The following MKI67 variants were observed in gnomAD, a reference collection of about 807,000 sequenced individuals.
The protein encoded by MKI67 is marker of proliferation Ki-67.
In MKI67, 152 loss-of-function variants were observed where a neutral mutation model predicts 233.5. That is an observed-to-expected ratio of 0.65 (90% CI 0.57 to 0.74). The LOEUF is 0.74. Ranked by LOEUF, MKI67 falls within the 30% of genes least tolerant of loss-of-function variation. The pLI is 0.00. For synonymous variants in MKI67, 1,465 were observed against 1,418.5 expected (o/e 1.03, Z -0.74); for missense variants, 3,940 against 3,885.2 (o/e 1.01, Z -0.37).
In MKI67 at chr10:128,115,733, T is replaced by C. The variant is rs1452492707; in HGVS notation, c.675A>G (p.Gln225=). ...YGELKSVPTT[Q]CLDNSKKNES... The stretch of plus-strand genomic sequence containing the variant: ...CATTTTTTTTGCTATTGTCAAGACA[T>C]TGTGTAGTGGGAACAGACTTCAATT... The change falls in exon 7 of 15, where the codon CAA becomes CAG. Residue 225 remains glutamine (Q), a synonymous_variant. Coordinates refer to ENST00000368654, the MANE Select transcript of MKI67 (RefSeq NM_002417.5). 4 of 1,613,788 alleles carry C rather than the reference T, an allele frequency of 2.5e-6. No individual in the cohort carries two copies. The South Asian group carries it at 4.4e-5, about 18-fold the overall frequency.
intron 12 of MKI67, 44 bp downstream of exon 12, chr10:128,110,334 T>C: frequency 6.8e-7 from 1 of 1,468,646 alleles, no homozygotes; most frequent in Non-Finnish European, 9.2e-7. Flanking sequence ...TACTGTATGT[T>C]CCTATCCCAA....
intron 2 of MKI67, among the ~76,000 whole-genome samples, chr10:128,124,683 C>T (rs1400157394): frequency 6.6e-6 from 1 of 152,116 alleles, no homozygotes; most frequent in Non-Finnish European, 1.5e-5. Flanking sequence ...GGGAGACAAA[C>T]CCACAACTCA....
chr10:128,106,265 A>G lies in MKI67; in HGVS notation c.5575T>C (p.Cys1859Arg), dbSNP rs771728462. Residue 1859 changes from cysteine to arginine, a missense_variant, in exon 13 of 15, where the codon TGC (cysteine) becomes CGC (arginine). Cys to Arg is a radical substitution (Grantham distance 180). Transcript: ENST00000368654. Reference sequence around the variant, plus strand: ...GCTGGGTCTGATTGCGGAGATTTGCAGAGTATTTTTTTGGTAGTTTTCTCA... The same window carrying G: ...GCTGGGTCTGATTGCGGAGATTTGCGGAGTATTTTTTTGGTAGTTTTCTCA... ...TDEKTTKKIL[C>R]KSPQSDPADT... 6.2e-7 allele frequency: 1 copy of G among 1,613,744 alleles called. No individual in the cohort carries two copies. Among genetic ancestry groups the G allele is most frequent in the South Asian group, 1.1e-5 (1 of 91,062 alleles).
In MKI67 at chr10:128,106,872, T is replaced by C. The variant is rs752332334; in HGVS notation, c.4968A>G (p.Ser1656=). Residue 1656 remains serine (S), a synonymous_variant, in exon 13 of 15, where the codon TCA becomes TCG. Coordinates refer to ENST00000368654, the MANE Select transcript of MKI67 (RefSeq NM_002417.5). Reference sequence around the variant, plus strand: ...CTGTGTGTGTGTGTGTAGTCTCTCCTGATGTCTGTGTGAGCTTGCCAACTG... The same window carrying C: ...CTGTGTGTGTGTGTGTAGTCTCTCCCGATGTCTGTGTGAGCTTGCCAACTG... ...LLAVGKLTQT[S]GETTHTHTEP... is the part of the protein sequence containing the mutation. The C allele has an allele frequency of 4.3e-6, 7 of 1,614,084 alleles. No homozygotes were observed. Among genetic ancestry groups the C allele is most frequent in the Non-Finnish European group, 5.9e-6 (7 of 1,180,050 alleles).
chr10:128,103,414 C>A lies in MKI67; in HGVS notation c.8426G>T (p.Gly2809Val), dbSNP rs779641652. The A allele has an allele frequency of 1.2e-6, 2 of 1,613,412 alleles. No homozygotes were observed. Among genetic ancestry groups the A allele is most frequent in the Non-Finnish European group, 1.7e-6 (2 of 1,179,894 alleles). ...ATCAGTCATTGATTCTTCAGTGTGA[C>A]CTGCTGCTGGGTCTTTGAAGCCAGC... ...DLAGFKDPAA[G>V]HTEESMTDDK... The change falls in exon 13 of 15, where the codon GGT (glycine) becomes GTT (valine). Residue 2809 changes from glycine (G) to valine (V), a missense_variant. Transcript: ENST00000368654.
chr10:128,109,090 C>T lies in MKI67; in HGVS notation c.2750G>A (p.Arg917Lys), dbSNP rs1852606975. ...RGQKATLLQQ[R>K]REGEMKEIER... ...TATTTCCTTCATCTCTCCTTCTCTC[C>T]TTTGTTGTAGTAGTGTTGCCTTCTG... Residue 917 changes from arginine (R) to lysine (K), a missense_variant, in exon 13 of 15, where the codon AGG (arginine) becomes AAG (lysine). Physicochemically the swap from Arg to Lys is conservative, Grantham distance 26. Transcript: ENST00000368654. 1.2e-6 allele frequency: 2 copies of T among 1,614,184 alleles called. No homozygotes were observed. The highest frequency in any genetic ancestry group is 1.3e-5 in the African/African-American group (1 of 75,050).
chr10:128,112,598 GAGACTGTCTCAGTCATTTA>G (rs1304806110), intron 8 of MKI67, 153 bp from the exon 9 acceptor site: 2 of 770,764 alleles, frequency 2.6e-6, no homozygotes, highest in East Asian at 5.0e-5. Flanking sequence ...TGGTAGAGGT[GAGACTGTCTCAGTCATTTA>G]AGGAAAAGGA....
chr10:128,106,698 G>A lies in MKI67; in HGVS notation c.5142C>T (p.Ile1714=), dbSNP rs372451114. The A allele has an allele frequency of 5.8e-5, 93 of 1,612,432 alleles. No individual in the cohort carries two copies. Among genetic ancestry groups the A allele is most frequent in the Admixed American group, 3.3e-5 (2 of 59,834 alleles). ...SEVPEDLAGF[I]ELFQTPSHTK... ...TGTGACTTGGTGTCTGGAAGAGCTC[G>A]ATGAAGCCGGCCAGGTCTTCAGGGA... The change falls in exon 13 of 15, where the codon ATC becomes ATT. Residue 1714 remains isoleucine, a synonymous_variant. Transcript: ENST00000368654.
Position 128,112,454 on chromosome 10 carries a change from A to T in MKI67, c.1657-9T>A. The T allele has an allele frequency of 6.2e-7, 1 of 1,611,628 alleles. No homozygotes were observed. Among genetic ancestry groups the T allele is most frequent in the Non-Finnish European group, 8.5e-7 (1 of 1,178,370 alleles). On this transcript the variant is annotated splice_polypyrimidine_tract_variant and intron_variant, in intron 8 of 14. Transcript: ENST00000368654. ...GATGGTTGAGGCTGTTCCTGACAAGACAAAATTGTTTACAAGAAGCCTTAA... is the reference window on the plus strand; with the variant it reads ...GATGGTTGAGGCTGTTCCTGACAAGTCAAAATTGTTTACAAGAAGCCTTAA...
At chr10:128,122,300 T>G (rs1852964971) in intron 4 of MKI67, among the ~76,000 whole-genome samples, 1 of 152,274 alleles carries the variant, frequency 6.6e-6, no homozygotes, top group East Asian at 1.9e-4. Flanking sequence ...CTTTCCTCTG[T>G]GCACGTGTTC....
chr10:128,102,808 C>T lies in MKI67; in HGVS notation c.9032G>A (p.Arg3011Lys), dbSNP rs1212378258. ...GKDGSVTGTK[R>K]LRCMPAPEEI... ...CTCTGGTGCTGGCATGCAGCGCAGC[C>T]TCTTGGTTCCCGTGACGCTTCCATC... The change falls in exon 13 of 15, where the codon AGG becomes AAG. Residue 3011 changes from arginine (R) to lysine (K), a missense_variant. Arg to Lys is a conservative substitution (Grantham distance 26). Coordinates refer to ENST00000368654, the MANE Select transcript of MKI67 (RefSeq NM_002417.5). 1 of 1,614,226 alleles carries T rather than the reference C, an allele frequency of 6.2e-7. No homozygotes were observed. Among genetic ancestry groups the T allele is most frequent in the South Asian group, 1.1e-5 (1 of 91,090 alleles).
chr10:128,117,645 G>A (rs114218578), intron 5 of MKI67, among the ~76,000 whole-genome samples: 2,739 of 152,250 alleles, frequency 0.018, 83 homozygotes, highest in African/African-American at 0.063. Context: ...ATCAATTTTA[G>A]GTTTCTTGAT....
In MKI67 at chr10:128,113,518, G is replaced by A; in HGVS notation, c.1565C>T (p.Pro522Leu). ...TCCCCTTTTGAGAGGCGTATTAGGA[G>A]GCAAGTTTTCATCAAATAGTTCAGG... Reference protein sequence around the residue: ...LRPELFDENLPPNTPLKRGEA... With the variant: ...LRPELFDENLLPNTPLKRGEA... Residue 522 changes from proline to leucine, a missense_variant, in exon 8 of 15, where the codon CCT (proline) becomes CTT (leucine). Physicochemically the swap from Pro to Leu is moderately conservative, Grantham distance 98. Coordinates refer to ENST00000368654, the MANE Select transcript of MKI67 (RefSeq NM_002417.5). The A allele has an allele frequency of 6.2e-7, 1 of 1,614,126 alleles. No individual in the cohort carries two copies. Among genetic ancestry groups the A allele is most frequent in the Non-Finnish European group, 8.5e-7 (1 of 1,180,014 alleles).
Position 128,116,523 on chromosome 10 carries a change from C to G in MKI67, c.368G>C (p.Arg123Pro). Residue 123 changes from arginine (R) to proline (P), a missense_variant, in exon 6 of 15, where the codon CGT becomes CCT. Physicochemically the swap from Arg to Pro is moderately radical, Grantham distance 103 (BLOSUM62 -2). Transcript: ENST00000368654. Reference protein sequence around the residue: ...RKIREQEPARRVSRSSFSSDP... With the variant: ...RKIREQEPARPVSRSSFSSDP... ...AGAAGAGAAGCTAGATCTTGAGACA[C>G]GACGTGCTGGCTCCTGTAAGTTGGG... The G allele has an allele frequency of 6.2e-7, 1 of 1,614,004 alleles. No individual in the cohort carries two copies. The highest frequency in any genetic ancestry group is 8.5e-7 in the Non-Finnish European group (1 of 1,179,866).
chr10:128,115,489 C>G lies in MKI67; in HGVS notation c.919G>C (p.Ala307Pro). ...TGGTCAAGCTCTTGTTCAGGTGAAG[C>G]AGGCTCTGCCACAGCGTGGCCGCTC... ...GGSGHAVAEP[A>P]SPEQELDQNK... is the part of the protein sequence containing the mutation. Residue 307 changes from alanine to proline, a missense_variant, in exon 7 of 15, where the codon GCT becomes CCT. By Grantham distance (27) the Ala-to-Pro change is conservative. Transcript: ENST00000368654. The G allele has an allele frequency of 6.2e-7, 1 of 1,613,974 alleles. No individual in the cohort carries two copies. Among genetic ancestry groups the G allele is most frequent in the South Asian group, 1.1e-5 (1 of 91,048 alleles).
chr10:128,123,196 T>C, intron 2 of MKI67, 27 bp from the exon 3 acceptor site: 1 of 1,538,504 alleles, frequency 6.5e-7, no homozygotes, highest in Non-Finnish European at 9.0e-7. Flanking sequence ...AAGGTTTTTT[T>C]GGTTGCTGCA....
Position 128,115,814 on chromosome 10 carries a change from GGGATCAGCT to G in MKI67, c.585_593del (p.Ala196_Pro198del), listed in dbSNP as rs1368649975. On this transcript the variant is annotated inframe_deletion, in exon 7 of 15. Coordinates refer to ENST00000368654, the MANE Select transcript of MKI67 (RefSeq NM_002417.5). ...AAATTTCTTTAAAATCCCCAGAAATGGGATCAGCTGCATTTCTGCCATTACGTCCAGCAT... is the reference window on the plus strand; with the variant it reads ...AAATTTCTTTAAAATCCCCAGAAATGGCATTTCTGCCATTACGTCCAGCAT... The G allele has an allele frequency of 6.2e-7, 1 of 1,610,376 alleles. No homozygotes were observed. The highest frequency in any genetic ancestry group is 1.7e-5 in the Admixed American group (1 of 59,998).
intron 5 of MKI67, among the ~76,000 whole-genome samples, chr10:128,117,893 C>T (rs1308155553): frequency 6.6e-6 from 1 of 152,196 alleles, no homozygotes; most frequent in Non-Finnish European, 1.5e-5. Flanking sequence ...TATCACAGAC[C>T]AGTAACAGAA....
Position 128,106,620 on chromosome 10 carries a change from T to C in MKI67, c.5220A>G (p.Ser1740=), listed in dbSNP as rs1196555485. The C allele has an allele frequency of 6.2e-7, 1 of 1,614,058 alleles. No homozygotes were observed. Among genetic ancestry groups the C allele is most frequent in the African/African-American group, 1.3e-5 (1 of 74,904 alleles). The change falls in exon 13 of 15, where the codon TCA becomes TCG. Residue 1740 remains serine (S), a synonymous_variant. Transcript: ENST00000368654. ...TTGGGGTGTCCACTAGGTCTGGCTG[T>C]GAAGCTCTGTAGGATACTTTGGTAG... is the stretch of plus-strand genomic sequence containing the variant. ...EKTTKVSYRA[S]QPDLVDTPTS...
Sources: allele counts gnomAD v4.1 joint callset (sites outside exome capture counted in the v4.1 genomes callset), GRCh38; gene constraint gnomAD v4.1.1; transcripts MANE v1.5; gene names NCBI Gene and HGNC (gene_info 2026-07-23, HGNC 2026-07-21).